Variants in ELP1 observed in about 807,000 individuals in gnomAD.
ELP1 encodes elongator acetyltransferase complex subunit 1.
Under a neutral mutation model 183.2 loss-of-function variants are expected in ELP1, and 131 were observed. That is an observed-to-expected ratio of 0.72 (90% CI 0.62 to 0.83). The LOEUF is 0.83. ELP1 is among the 40% of genes least tolerant of loss of function. The pLI, the probability that ELP1 is intolerant of heterozygous loss-of-function variation, is 0.00. For synonymous variants in ELP1, 555 were observed against 569.0 expected (o/e 0.98, Z 0.35); for missense variants, 1,550 against 1,594.9 (o/e 0.97, Z 0.48).
At chr9:108,910,216 C>G (rs955017353) in intron 12 of ELP1, among the ~76,000 whole-genome samples, 4 of 152,098 alleles carry the variant, frequency 2.6e-5, no homozygotes, top group African/African-American at 9.7e-5. Flanking sequence ...ATTTTACACA[C>G]TGAAACTATA....
chr9:108,879,409 G>A (rs767139248), intron 33 of ELP1, 37 bp downstream of exon 33: 1 of 1,481,044 alleles, frequency 6.8e-7, no homozygotes, highest in South Asian at 1.1e-5. Flanking sequence ...TATATGCCCA[G>A]GATATAGTCA....
At chr9:108,885,750 T>C (rs1828100512) in intron 29 of ELP1, among the ~76,000 whole-genome samples, 1 of 152,130 alleles carries the variant, frequency 6.6e-6, no homozygotes, top group South Asian at 2.1e-4. Context: ...TTCCATTTTT[T>C]CCCAAGGAAC....
chr9:108,930,267 TTAG>T (rs1829956097), intron 2 of ELP1, among the ~76,000 whole-genome samples: 1 of 152,210 alleles, frequency 6.6e-6, no homozygotes, highest in Non-Finnish European at 1.5e-5. Flanking sequence ...CTAAAATGTA[TTAG>T]TAGAAGAACA....
Position 108,889,277 on chromosome 9 carries a change from T to C in ELP1, c.3222+55A>G, listed in dbSNP as rs956030973. 114 of 1,450,998 alleles carry C rather than the reference T, an allele frequency of 7.9e-5. 3 individuals carry two copies. The highest frequency in any genetic ancestry group is 6.9e-4 in the Middle Eastern group (4 of 5,770). 89.9% of individuals were successfully genotyped at this position (1,450,998 alleles called of 1,614,324 possible). A position where few individuals can be genotyped will look rare whatever the true frequency, so the allele number is the denominator to read the frequency against. On this transcript the variant is annotated intron_variant, in intron 29 of 36. Coordinates refer to ENST00000374647, the MANE Select transcript of ELP1 (RefSeq NM_003640.5). ...AACTTTCATGATCACTAAGATACAA[T>C]TGAGAAGACCTTTCTTGCTGACTGG... is the stretch of plus-strand genomic sequence containing the variant.
chr9:108,930,390 T>A (rs1829961259), intron 2 of ELP1, among the ~76,000 whole-genome samples: 1 of 152,186 alleles, frequency 6.6e-6, no homozygotes. Context: ...GGGCTCAAAC[T>A]TTTAGAAAGC....
intron 36 of ELP1, among the ~76,000 whole-genome samples, chr9:108,873,855 T>C (rs1194985942): frequency 6.6e-6 from 1 of 150,470 alleles, no homozygotes; most frequent in Non-Finnish European, 1.5e-5. Context: ...ACCCCATCTG[T>C]TTTTTTTTCT....
intron 14 of ELP1, among the ~76,000 whole-genome samples, chr9:108,904,322 G>C (rs1299152040): frequency 7.0e-6 from 1 of 143,158 alleles, no homozygotes; most frequent in African/African-American, 2.6e-5. Flanking sequence ...ACAGCTCACC[G>C]CAATCTCAAC....
Position 108,918,858 on chromosome 9 carries a change from C to T in ELP1, c.693G>A (p.Gln231=). Residue 231 remains glutamine (Q), a synonymous_variant, in exon 8 of 37, where the codon CAG becomes CAA. Coordinates refer to ENST00000374647, the MANE Select transcript of ELP1 (RefSeq NM_003640.5). ...VRVWNREFAL[Q]STSEPVAGLG... ...GTCCTGCCACAGGCTCACTGGTTGA[C>T]TGCAAAGCAAACTCTCGGTTCCACA... The T allele has an allele frequency of 1.9e-6, 3 of 1,614,196 alleles. No individual in the cohort carries two copies. Among genetic ancestry groups the T allele is most frequent in the Non-Finnish European group, 2.5e-6 (3 of 1,180,028 alleles).
Position 108,927,398 on chromosome 9 carries a change from T to A in ELP1, c.359A>T (p.Asp120Val). The A allele has an allele frequency of 6.2e-7, 1 of 1,613,876 alleles. No individual in the cohort carries two copies. The stretch of plus-strand genomic sequence containing the variant: ...TGTGGCAAGAAGCACCAGCTCTTGG[T>A]CAGGACTCCAACTCATAACAGAGAT... ...SGISVMSWSP[D>V]QELVLLATGQ... Residue 120 changes from aspartate to valine, a missense_variant, in exon 4 of 37, where the codon GAC becomes GTC. Asp to Val is a radical substitution (Grantham distance 152). Transcript: ENST00000374647.
chr9:108,900,543 T>A (rs1389139151), intron 18 of ELP1, among the ~76,000 whole-genome samples, 168 bp from the exon 19 acceptor site: 1 of 152,196 alleles, frequency 6.6e-6, no homozygotes, highest in Non-Finnish European at 1.5e-5. Context: ...ATGAACACGC[T>A]CATCCCTGGA....
intron 35 of ELP1, among the ~76,000 whole-genome samples, chr9:108,876,744 T>TA (rs1203415590): frequency 6.6e-6 from 1 of 151,794 alleles, no homozygotes; most frequent in African/African-American, 2.4e-5. Context: ...TTTTTTTTTT[T>TA]TTTTTAAACG....
intron 32 of ELP1, 41 bp downstream of exon 32, chr9:108,880,011 C>G (rs1456099309): frequency 7.9e-7 from 1 of 1,258,874 alleles, no homozygotes; most frequent in African/African-American, 1.5e-5. Flanking sequence ...TACCCAACCC[C>G]ACTGCCCCCG....
chr9:108,884,073 TTAAAAG>T lies in ELP1; in HGVS notation c.3223-1892_3223-1887del, dbSNP rs372317315. Among the ~76,000 whole-genome samples the T allele has an allele frequency of 7.5e-3, 1,124 of 149,822 alleles. 15 individuals are homozygous for T. Among genetic ancestry groups the T allele is most frequent in the African/African-American group, 0.026 (1,070 of 41,012 alleles). ...AAAATAAAGACTACATTCAGCTAGA[TTAAAAG>T]TAAAAGGATAGAAAAAGATATGCAA... On this transcript the variant is annotated intron_variant, in intron 29 of 36. Transcript: ENST00000374647.
chr9:108,930,888 G>T, intron 2 of ELP1, 109 bp downstream of exon 2: 1 of 1,006,268 alleles, frequency 9.9e-7, no homozygotes, highest in Non-Finnish European at 1.6e-6. Context: ...TTATTTGGGA[G>T]GATATAAATT....
chr9:108,869,231 A>T, intron 36 of ELP1, 49 bp from the exon 37 acceptor site: 1 of 1,496,646 alleles, frequency 6.7e-7, no homozygotes. Context: ...CTCTTGTTGG[A>T]GGGCGCTGAG....
At position 108,914,323 on chromosome 9, in the gene ELP1, C is replaced by T. The variant is rs1044473614; in HGVS notation, c.959-1829G>A. ...CTGAGGCAGGAAAATGGAGTGAACC[C>T]GGGAGGCAGAGCTTGCAGTGACCGA... On this transcript the variant is annotated intron_variant, in intron 10 of 36. Coordinates refer to ENST00000374647, the MANE Select transcript of ELP1 (RefSeq NM_003640.5). Among the ~76,000 whole-genome samples the T allele has an allele frequency of 5.0e-5, 7 of 140,390 alleles. No individual in the cohort carries two copies. The East Asian group carries it at 7.0e-4, about 14-fold the overall frequency. 92.1% of individuals were successfully genotyped at this position (140,390 alleles called of 152,430 possible). A position where few individuals can be genotyped will look rare whatever the true frequency, so the allele number is the denominator to read the frequency against.
chr9:108,873,339 G>T (rs1827559751), intron 36 of ELP1, among the ~76,000 whole-genome samples: 1 of 152,200 alleles, frequency 6.6e-6, no homozygotes, highest in South Asian at 2.1e-4. Flanking sequence ...CTTAACTATT[G>T]TTAGCTGGGG....
chr9:108,901,381 C>G (rs752844932), intron 18 of ELP1, 44 bp downstream of exon 18: 1 of 1,344,012 alleles, frequency 7.4e-7, no homozygotes, highest in East Asian at 2.3e-5. Context: ...CTCCAAAAGA[C>G]ATTGGAGAAG....
chr9:108,931,646 A>T (rs1830007040), intron 1 of ELP1, among the ~76,000 whole-genome samples: 1 of 152,380 alleles, frequency 6.6e-6, no homozygotes, highest in Non-Finnish European at 1.5e-5. Flanking sequence ...AGAGAATCTG[A>T]AATGACTTTA....
Sources: allele counts gnomAD v4.1 joint callset (sites outside exome capture counted in the v4.1 genomes callset), GRCh38; gene constraint gnomAD v4.1.1; transcripts MANE v1.5; gene names NCBI Gene and HGNC (gene_info 2026-07-23, HGNC 2026-07-21).